GRIK5: variants seen among roughly 807,000 people sequenced by gnomAD.
GRIK5 encodes glutamate ionotropic receptor kainate type subunit 5, also known as glutamate receptor ionotropic, kainate 5.
In GRIK5, 43 loss-of-function variants were observed where a neutral mutation model predicts 97.4. The ratio of observed to expected loss-of-function variants is 0.44; its 90% CI spans 0.35 to 0.57. GRIK5 has a LOEUF of 0.57. Among genes scored for constraint, GRIK5 ranks in the 20% least tolerant of loss-of-function variants. The probability of loss-of-function intolerance (pLI) is 0.01; values close to 1 mark genes in which losing one functional copy is unlikely to be tolerated. For synonymous variants in GRIK5, 580 were observed against 583.5 expected, an observed-to-expected ratio of 0.99 and a Z score of 0.09; for missense variants, 1,015 against 1,382.0, an observed-to-expected ratio of 0.73 and a Z score of 4.21.
In GRIK5 at chr19:42,053,226, A is replaced by AC. The variant is rs546587115; in HGVS notation, c.1269+375_1269+376insG. Among the ~76,000 whole-genome samples, 25 of 152,266 alleles carry AC rather than the reference A, an allele frequency of 1.6e-4. No individual in the cohort carries two copies. The South Asian group carries it at 4.8e-3, about 29-fold the overall frequency. On this transcript the variant is annotated intron_variant, in intron 11 of 19. Coordinates refer to ENST00000593562, the MANE Select transcript of GRIK5 (RefSeq NM_002088.5). ...GGGTGCTTGCTGTGTGACCCTGGGC[A>AC]AGTCGCCTCCCCTCTCTGAGCCTCA... is the stretch of plus-strand genomic sequence containing the variant.
At position 42,065,393 on chromosome 19, in the gene GRIK5, G is replaced by T; in HGVS notation, c.80-6C>A. On this transcript the variant is annotated splice_polypyrimidine_tract_variant and splice_region_variant and intron_variant, in intron 2 of 19. Transcript: ENST00000593562. The surrounding 1 kb of genome is among the most constrained non-coding windows in gnomAD (Gnocchi z 5.8). ...CTGATCATCCAGGATTGCAGCTGAG[G>T]GGACACATGGGTTGGGGACCAGACT... The T allele has an allele frequency of 5.7e-6, 9 of 1,574,312 alleles. No homozygotes were observed. Among genetic ancestry groups the T allele is most frequent in the South Asian group, 1.1e-5 (1 of 87,558 alleles).
chr19:42,029,768 C>G (rs183233907), intron 12 of GRIK5, among the ~76,000 whole-genome samples: 3 of 152,300 alleles, frequency 2.0e-5, no homozygotes, highest in Non-Finnish European at 2.9e-5. Flanking sequence ...CTTTGATGCT[C>G]TGGACCTCAC....
intron 12 of GRIK5, among the ~76,000 whole-genome samples, chr19:42,040,045 C>A (rs1327869894): frequency 6.6e-6 from 1 of 151,968 alleles, no homozygotes; most frequent in African/African-American, 2.4e-5. Context: ...GTTCTAAGTT[C>A]TTCACTGCAT....
chr19:42,006,922 A>T lies in GRIK5; in HGVS notation c.1872-112T>A. 1 of 708,862 alleles carries T rather than the reference A, an allele frequency of 1.4e-6. No individual in the cohort carries two copies. Among genetic ancestry groups the T allele is most frequent in the Non-Finnish European group, 2.3e-6 (1 of 436,728 alleles). 43.9% of individuals were successfully genotyped at this position (708,862 alleles called of 1,614,324 possible). A position where few individuals can be genotyped will look rare whatever the true frequency, so the allele number is the denominator to read the frequency against. On this transcript the variant is annotated intron_variant, in intron 15 of 19. Coordinates refer to ENST00000593562, the MANE Select transcript of GRIK5 (RefSeq NM_002088.5). This position sits in a 1 kb window ranked among gnomAD's most constrained non-coding sequence, Gnocchi z 5.3. ...CCCAAGTGACCCCAGCATCTGGAAG[A>T]CTCAGTGACTGCTGGGTGCAGAAGC...
At chr19:42,036,819 A>C (rs2075911468) in intron 12 of GRIK5, among the ~76,000 whole-genome samples, 1 of 152,194 alleles carries the variant, frequency 6.6e-6, no homozygotes, top group Non-Finnish European at 1.5e-5. Flanking sequence ...TCCCATCCCC[A>C]GGGTGTGGAG....
chr19:42,035,008 C>T (rs1394318080), intron 12 of GRIK5, among the ~76,000 whole-genome samples: 1 of 152,106 alleles, frequency 6.6e-6, no homozygotes, highest in Non-Finnish European at 1.5e-5. Context: ...GTTTTCGTTT[C>T]GCTCTTGTTG....
Position 42,013,282 on chromosome 19 carries a change from T to C in GRIK5, c.1872-6472A>G, listed in dbSNP as rs2075585474. 2.0e-5 allele frequency among the ~76,000 whole-genome samples: 3 copies of C among 151,960 alleles called. 1 individual carries two copies. The South Asian group carries it at 6.2e-4, about 32-fold the overall frequency. On this transcript the variant is annotated intron_variant, in intron 15 of 19. Coordinates refer to ENST00000593562, the MANE Select transcript of GRIK5 (RefSeq NM_002088.5). ...CAGGAAGATCCCTTGAGCCCAGGAG[T>C]TTGAGGCTGTAGGGAGCTATAAACA...
chr19:42,058,166 T>C (rs896039975), intron 6 of GRIK5, among the ~76,000 whole-genome samples: 26 of 152,078 alleles, frequency 1.7e-4, no homozygotes, highest in African/African-American at 5.6e-4. Flanking sequence ...TCAGCAGTGA[T>C]ATATGGGTTT....
chr19:42,048,781 G>A (rs1377120483), intron 11 of GRIK5, among the ~76,000 whole-genome samples: 1 of 152,142 alleles, frequency 6.6e-6, no homozygotes, highest in African/African-American at 2.4e-5. Context: ...GCTCATGCCT[G>A]TAATCCCAGC....
At chr19:42,009,303 C>T (rs1040292665) in intron 15 of GRIK5, among the ~76,000 whole-genome samples, 2 of 151,920 alleles carry the variant, frequency 1.3e-5, no homozygotes, top group Non-Finnish European at 2.9e-5. Context: ...AGTGCAATGG[C>T]GCGATCTCGA....
intron 1 of GRIK5, chr19:42,069,039 A>T (rs749940144): frequency 2.0e-6 from 1 of 493,752 alleles, no homozygotes; most frequent in Non-Finnish European, 3.6e-6. Context: ...GCAGTGAGCT[A>T]TGTACCCAGA....
At chr19:42,018,913 G>T in intron 15 of GRIK5, among the ~76,000 whole-genome samples, 1 of 152,172 alleles carries the variant, frequency 6.6e-6, no homozygotes, top group Admixed American at 6.5e-5. Flanking sequence ...GCGGGGACTG[G>T]CCTGCTGAAT....
chr19:42,021,215 C>T lies in GRIK5; in HGVS notation c.1871+86G>A. ...AGGGAAAACGGGGAATCAAATCTTC[C>T]AGGAGATGCCACAGCCCCAACCCCA... On this transcript the variant is annotated intron_variant, in intron 15 of 19. Coordinates refer to ENST00000593562, the MANE Select transcript of GRIK5 (RefSeq NM_002088.5). This position sits in a 1 kb window ranked among gnomAD's most constrained non-coding sequence, Gnocchi z 4.2. The T allele has an allele frequency of 1.9e-6, 2 of 1,073,374 alleles. No homozygotes were observed. Among genetic ancestry groups the T allele is most frequent in the Non-Finnish European group, 2.7e-6 (2 of 748,818 alleles). 66.5% of individuals were successfully genotyped at this position (1,073,374 alleles called of 1,614,324 possible).
chr19:42,006,660 G>A lies in GRIK5; in HGVS notation c.2022C>T (p.Thr674=), dbSNP rs2075494659. ...IEYGTIHAGS[T]MTFFQNSRYQ... is the part of the protein sequence containing the mutation. ...GTGGCCCCACCTGGAAGAAGGTCAT[G>A]GTGGAGCCGGCGTGGATGGTGCCAT... Residue 674 remains threonine, a synonymous_variant, in exon 16 of 20, where the codon ACC becomes ACT. Transcript: ENST00000593562. The surrounding 1 kb of genome is among the most constrained non-coding windows in gnomAD (Gnocchi z 5.3). 2 of 1,613,894 alleles carry A rather than the reference G, an allele frequency of 1.2e-6. No individual in the cohort carries two copies. Among genetic ancestry groups the A allele is most frequent in the South Asian group, 2.2e-5 (2 of 91,080 alleles).
chr19:42,024,509 G>A (rs975831097), intron 12 of GRIK5, among the ~76,000 whole-genome samples: 1 of 152,134 alleles, frequency 6.6e-6, no homozygotes, highest in Non-Finnish European at 1.5e-5. Flanking sequence ...CACCGCGCCT[G>A]GCCTCATTGT....
In GRIK5 at chr19:42,021,427, C is replaced by T. The variant is rs151120519; in HGVS notation, c.1745G>A (p.Arg582His). The T allele has an allele frequency of 1.6e-3, 2,567 of 1,607,472 alleles. 2 individuals carry two copies. Among genetic ancestry groups the T allele is most frequent in the Non-Finnish European group, 2.0e-3 (2,367 of 1,176,170 alleles). The change falls in exon 15 of 20, where the codon CGC (arginine) becomes CAC (histidine). Residue 582 changes from arginine to histidine, a missense_variant. Physicochemically the swap from Arg to His is conservative, Grantham distance 29. This residue lies in a region of GRIK5 where 477 missense variants were observed against 701.1 expected (regional missense o/e 0.68). Coordinates refer to ENST00000593562, the MANE Select transcript of GRIK5 (RefSeq NM_002088.5). This position sits in a 1 kb window ranked among gnomAD's most constrained non-coding sequence, Gnocchi z 4.2. ...GTACTGGTTCTCCAGGATGTGGGGG[C>T]GTGCCCGCAGGCATGGGTGTGGGTT... Reference protein sequence around the residue: ...WYNPHPCLRARPHILENQYTL... With the variant: ...WYNPHPCLRAHPHILENQYTL...
At position 42,053,838 on chromosome 19, in the gene GRIK5, T is replaced by C. The variant is rs1187941457; in HGVS notation, c.1148A>G (p.Gln383Arg). The C allele has an allele frequency of 6.2e-7, 1 of 1,613,080 alleles. No individual in the cohort carries two copies. Among genetic ancestry groups the C allele is most frequent in the Non-Finnish European group, 8.5e-7 (1 of 1,179,030 alleles). ...YTLRILEKSRQGHREIGVWYS... is the reference protein window; with the variant it reads ...YTLRILEKSRRGHREIGVWYS... ...GGGTCTGCTCACCTCACGGTGGCCC[T>C]GCCGGGACTTTTCTAGGATGCGCAG... is the stretch of plus-strand genomic sequence containing the variant. Residue 383 changes from glutamine to arginine, a missense_variant, in exon 10 of 20, where the codon CAG becomes CGG. By Grantham distance (43) the Gln-to-Arg change is conservative (BLOSUM62 1). Coordinates refer to ENST00000593562, the MANE Select transcript of GRIK5 (RefSeq NM_002088.5).
chr19:42,036,236 A>G (rs1005878913), intron 12 of GRIK5, among the ~76,000 whole-genome samples: 3 of 151,662 alleles, frequency 2.0e-5, no homozygotes, highest in Non-Finnish European at 4.4e-5. Context: ...ATTTTTTTGT[A>G]CTTTTAGTAG....
At chr19:42,050,825 A>G (rs1285512264) in intron 11 of GRIK5, among the ~76,000 whole-genome samples, 1 of 144,360 alleles carries the variant, frequency 6.9e-6, no homozygotes, top group Non-Finnish European at 1.5e-5. Context: ...ATTGTGTCAC[A>G]TGAGCACAGG....
Sources: allele counts gnomAD v4.1 joint callset (sites outside exome capture counted in the v4.1 genomes callset), GRCh38; gene constraint gnomAD v4.1.1; regional missense constraint gnomAD v4.1.1; non-coding constraint Gnocchi (gnomAD v3.1); transcripts MANE v1.5; gene names NCBI Gene and HGNC (gene_info 2026-07-23, HGNC 2026-07-21).